Variants in CSN2 observed in about 807,000 individuals in gnomAD.
CSN2 encodes casein beta.
CSN2 carries 27 observed loss-of-function variants against 27.3 expected under a neutral mutation model. The observed-to-expected ratio is 0.99, with a 90% CI of 0.73 to 1.36. The LOEUF (loss-of-function observed/expected upper bound fraction) is 1.36, where lower values mean the gene tolerates loss of function less well. Ranked by LOEUF, CSN2 falls within the 40% of genes most tolerant of loss-of-function variation. The pLI, the probability that CSN2 is intolerant of heterozygous loss-of-function variation, is 0.00. For missense variants in CSN2, 333 were observed against 264.5 expected (o/e 1.26, Z -1.80); for synonymous variants, 131 against 94.8 (o/e 1.38, Z -2.22).
chr4:69,957,856 AT>A, intron 5 of CSN2, 52 bp from the exon 6 acceptor site: 1 of 1,415,954 alleles, frequency 7.1e-7, no homozygotes, highest in Non-Finnish European at 9.7e-7. Flanking sequence ...TATAATTGCC[AT>A]TCATAATGAA....
intron 1 of CSN2, 112 bp from the exon 2 acceptor site, chr4:69,961,119 CA>C (rs1247336945): frequency 1.6e-6 from 1 of 606,372 alleles, no homozygotes; most frequent in African/African-American, 1.9e-5. Context: ...TAATATATAA[CA>C]AAAATATCTG....
At chr4:69,955,645 T>C (rs996120552) in intron 7 of CSN2, 53 bp from the exon 8 acceptor site, 9 of 152,524 alleles carry the variant, frequency 5.9e-5, no homozygotes, top group Non-Finnish European at 1.2e-4. Context: ...ACGTAACTAT[T>C]CAACTCTCTT....
In CSN2 at chr4:69,960,982, AT is replaced by A. The variant is rs1339713215; in HGVS notation, c.13del (p.Ile5SerfsTer15). On this transcript the variant is annotated frameshift_variant, in exon 2 of 8. Coordinates refer to ENST00000353151, the MANE Select transcript of CSN2 (RefSeq NM_001891.4). LOFTEE classifies it high-confidence loss of function. The part of the protein sequence containing the change: MKVL[I>X]LACLVALALA... The stretch of plus-strand genomic sequence containing the variant: ...AGCAAGAGCCACCAGGCAGGCGAGG[AT>A]GAGGACCTTCATGGCTACTAAGTCC... The A allele has an allele frequency of 6.8e-6, 11 of 1,612,822 alleles. No homozygotes were observed. The highest frequency in any genetic ancestry group is 9.3e-6 in the Non-Finnish European group (11 of 1,179,272).
intron 1 of CSN2, among the ~76,000 whole-genome samples, chr4:69,963,057 A>T (rs1723660987): frequency 6.6e-6 from 1 of 152,094 alleles, no homozygotes; most frequent in South Asian, 2.1e-4. Flanking sequence ...CACCAGTTAG[A>T]ATGGCGATCA....
At chr4:69,958,865 A>C (rs1248515493) in intron 5 of CSN2, 44 bp downstream of exon 5, 1 of 1,247,070 alleles carries the variant, frequency 8.0e-7, no homozygotes. Flanking sequence ...TATGTATTAT[A>C]CTTTATAATA....
At chr4:69,959,145 G>C in intron 3 of CSN2, 76 bp from the exon 4 acceptor site, 1 of 1,064,166 alleles carries the variant, frequency 9.4e-7, no homozygotes, top group Non-Finnish European at 1.3e-6. Flanking sequence ...GGAAATAAAG[G>C]CATTAATTCT....
chr4:69,956,307 A>T lies in CSN2; in HGVS notation c.*36+7T>A, dbSNP rs1231745924. 7.2e-7 allele frequency: 1 copy of T among 1,389,908 alleles called. No individual in the cohort carries two copies. Among genetic ancestry groups the T allele is most frequent in the Non-Finnish European group, 9.5e-7 (1 of 1,053,798 alleles). The allele number at this position is 1,389,908 out of a possible 1,614,324, so 86.1% of individuals were successfully genotyped here. A position where few individuals can be genotyped will look rare whatever the true frequency, so the allele number is the denominator to read the frequency against. ...ATCAATTAAATCTCCAAACTCCCAA[A>T]ACTTACCAAAAATAAGGAGGGAAAA... On this transcript the variant is annotated splice_region_variant and intron_variant, in intron 7 of 7. Transcript: ENST00000353151.
chr4:69,962,804 C>A (rs1362363602), intron 1 of CSN2, among the ~76,000 whole-genome samples: 2 of 152,156 alleles, frequency 1.3e-5, no homozygotes, highest in Non-Finnish European at 2.9e-5. Context: ...AGGCAACCTG[C>A]AGAATGAGAG....
chr4:69,961,712 A>G (rs1338662757), intron 1 of CSN2, among the ~76,000 whole-genome samples: 1 of 152,192 alleles, frequency 6.6e-6, no homozygotes, highest in African/African-American at 2.4e-5. Context: ...TATTCAACAT[A>G]GTGTTGGAAG....
In CSN2 at chr4:69,959,789, G is replaced by A. The variant is rs929042676; in HGVS notation, c.78+264C>T. 2.0e-5 allele frequency among the ~76,000 whole-genome samples: 3 copies of A among 151,626 alleles called. No individual in the cohort carries two copies. The East Asian group carries it at 5.8e-4, about 30-fold the overall frequency. On this transcript the variant is annotated intron_variant, in intron 3 of 7. Transcript: ENST00000353151. ...GGTGAATAAGTTCAGAGTAAAGAGA[G>A]TTCAAGGCAGAAAACAGGACAATAT...
At chr4:69,964,759 C>T (rs1169011159) in intron 1 of CSN2, among the ~76,000 whole-genome samples, 2 of 149,332 alleles carry the variant, frequency 1.3e-5, no homozygotes, top group Non-Finnish European at 3.0e-5. Flanking sequence ...TACTAATCTA[C>T]TAATATATAT....
At chr4:69,956,503 AAAATAAATAAAT>A (rs567888173) in intron 6 of CSN2, 148 bp from the exon 7 acceptor site, 46 of 517,922 alleles carry the variant, frequency 8.9e-5, no homozygotes, top group African/African-American at 8.5e-4. Flanking sequence ...AGGCTTGTGT[AAAATAAATAAAT>A]AAATAAATAA....
At chr4:69,965,239 G>GC (rs1723756354) in intron 1 of CSN2, among the ~76,000 whole-genome samples, 1 of 151,064 alleles carries the variant, frequency 6.6e-6, no homozygotes, top group African/African-American at 2.4e-5. Context: ...AACTCAGTAT[G>GC]CTACTGCTGT....
chr4:69,963,975 A>T (rs1723706917), intron 1 of CSN2, among the ~76,000 whole-genome samples: 1 of 148,654 alleles, frequency 6.7e-6, no homozygotes, highest in Non-Finnish European at 1.5e-5. Flanking sequence ...CTTTTCACTA[A>T]ACGGTTACCA....
At chr4:69,965,603 C>T (rs991580081) in intron 1 of CSN2, among the ~76,000 whole-genome samples, 78 bp downstream of exon 1, 3 of 151,498 alleles carry the variant, frequency 2.0e-5, no homozygotes, top group African/African-American at 7.3e-5. Context: ...TAAGTAACTA[C>T]GTTCCTTCTA....
At chr4:69,956,389 C>A in intron 6 of CSN2, 34 bp from the exon 7 acceptor site, 1 of 1,337,258 alleles carries the variant, frequency 7.5e-7, no homozygotes, top group Non-Finnish European at 9.8e-7. Context: ...AAATAAATAA[C>A]CTCTTAGTAA....
In CSN2 at chr4:69,957,378, C is replaced by G; in HGVS notation, c.571G>C (p.Val191Leu). ...QQVVPYPQRA[V>L]PVQALLLNQE... Reference sequence around the variant, plus strand: ...TTGAGCAGAAGGGCTTGAACAGGCACAGCTCTCTGAGGGTAGGGCACCACT... The same window carrying G: ...TTGAGCAGAAGGGCTTGAACAGGCAGAGCTCTCTGAGGGTAGGGCACCACT... Residue 191 changes from valine (V) to leucine (L), a missense_variant, in exon 6 of 8, where the codon GTG becomes CTG. Physicochemically the swap from Val to Leu is conservative, Grantham distance 32. Coordinates refer to ENST00000353151, the MANE Select transcript of CSN2 (RefSeq NM_001891.4). The G allele has an allele frequency of 6.2e-7, 1 of 1,613,424 alleles. No homozygotes were observed. Among genetic ancestry groups the G allele is most frequent in the Non-Finnish European group, 8.5e-7 (1 of 1,179,858 alleles).
chr4:69,965,444 A>ATG (rs1319146776), intron 1 of CSN2, among the ~76,000 whole-genome samples: 1 of 136,114 alleles, frequency 7.3e-6, no homozygotes, highest in African/African-American at 2.7e-5. Flanking sequence ...ATATATATAT[A>ATG]TGCATAAAAT....
intron 1 of CSN2, among the ~76,000 whole-genome samples, chr4:69,962,479 T>C (rs906527366): frequency 5.5e-4 from 83 of 152,258 alleles, no homozygotes; most frequent in Admixed American, 3.9e-3. Context: ...AAACAAGCAA[T>C]GGGGAAAGGA....
Sources: gnomAD v4.1 joint callset for allele counts (sites outside exome capture counted in the v4.1 genomes callset) on GRCh38, gnomAD v4.1.1 for gene constraint, MANE v1.5 for transcripts, NCBI Gene and HGNC (gene_info 2026-07-23, HGNC 2026-07-21) for gene names.